ZDHHC14: variants seen among roughly 807,000 people sequenced by gnomAD.
ZDHHC14 encodes the protein palmitoyltransferase ZDHHC14.
A neutral mutation model predicts 47.7 loss-of-function variants in ZDHHC14; 16 were observed. The observed-to-expected ratio is 0.34, with a 90% confidence interval of 0.23 to 0.51. The LOEUF (loss-of-function observed/expected upper bound fraction) is 0.51, where lower values mean the gene tolerates loss of function less well. Among genes scored for constraint, ZDHHC14 ranks in the 20% least tolerant of loss-of-function variants. ZDHHC14 has a pLI of 0.97. For missense variants in ZDHHC14, 515 were observed against 662.5 expected (o/e 0.78, Z 2.44); for synonymous variants, 293 against 278.9 (o/e 1.05, Z -0.50).
intron 1 of ZDHHC14, among the ~76,000 whole-genome samples, chr6:157,452,683 C>T (rs150255778): frequency 0.048 from 6,648 of 138,596 alleles, 522 homozygotes; most frequent in African/African-American, 0.17. Context: ...ATCACTAATA[C>T]ATGGGGATTT....
At chr6:157,443,812 T>C (rs1408081194) in intron 1 of ZDHHC14, among the ~76,000 whole-genome samples, 3 of 152,236 alleles carry the variant, frequency 2.0e-5, no homozygotes, top group African/African-American at 7.2e-5. Context: ...CTTTGGGTAG[T>C]GCCTTACCTT....
At chr6:157,543,118 G>A (rs1781837544) in intron 2 of ZDHHC14, among the ~76,000 whole-genome samples, 1 of 152,142 alleles carries the variant, frequency 6.6e-6, no homozygotes. Context: ...AGCATGACCA[G>A]TTTCCATGAT....
intron 8 of ZDHHC14, among the ~76,000 whole-genome samples, chr6:157,655,641 T>A (rs1778052042): frequency 6.6e-6 from 1 of 152,224 alleles, no homozygotes; most frequent in African/African-American, 2.4e-5. Context: ...GTTCCCTCTG[T>A]GTGTTGAGGA....
chr6:157,431,278 A>G (rs1778334063), intron 1 of ZDHHC14, among the ~76,000 whole-genome samples: 1 of 152,224 alleles, frequency 6.6e-6, no homozygotes, highest in African/African-American at 2.4e-5. Flanking sequence ...TCTAATTGTC[A>G]GGGCCAGATT....
chr6:157,564,263 G>A (rs1239902172), intron 2 of ZDHHC14, among the ~76,000 whole-genome samples: 1 of 152,184 alleles, frequency 6.6e-6, no homozygotes, highest in African/African-American at 2.4e-5. Context: ...TCAGGCAGAA[G>A]ACAAAGATTC....
intron 8 of ZDHHC14, among the ~76,000 whole-genome samples, chr6:157,670,533 A>G (rs1562540312): frequency 6.6e-6 from 1 of 151,962 alleles, no homozygotes; most frequent in South Asian, 2.1e-4. Flanking sequence ...AGCTCAGGTG[A>G]TCCTGCCTGC....
At chr6:157,409,708 C>T (rs932287550) in intron 1 of ZDHHC14, among the ~76,000 whole-genome samples, 1 of 152,206 alleles carries the variant, frequency 6.6e-6, no homozygotes, top group African/African-American at 2.4e-5. Flanking sequence ...CCTCCTTCCT[C>T]TTCTTCACCT....
intron 1 of ZDHHC14, among the ~76,000 whole-genome samples, chr6:157,397,860 C>T (rs981479020): frequency 1.3e-5 from 2 of 152,276 alleles, no homozygotes; most frequent in South Asian, 4.1e-4. Context: ...GGCTGACCAC[C>T]GTGTCCATCA....
Position 157,458,849 on chromosome 6 carries a change from A to ATTTTTTTTTTTTT in ZDHHC14, c.245+76593_245+76605dup, listed in dbSNP as rs750975822. Among the ~76,000 whole-genome samples the ATTTTTTTTTTTTT allele has an allele frequency of 6.5e-3, 527 of 81,182 alleles. 73 individuals are homozygous for ATTTTTTTTTTTTT. The highest frequency in any genetic ancestry group is 0.022 in the African/African-American group (480 of 21,774). The allele number at this position is 81,182 out of a possible 152,430, so 53.3% of individuals were successfully genotyped here. ...TACAGGTACTAGCAAATGTGGGTGG[A>ATTTTTTTTTTTTT]TTTTTTTTTTTTTTTTTTTTTTGAG... On this transcript the variant is annotated intron_variant, in intron 1 of 8. Transcript: ENST00000359775.
intron 1 of ZDHHC14, among the ~76,000 whole-genome samples, chr6:157,383,727 G>C (rs1418228748): frequency 2.6e-5 from 4 of 152,130 alleles, no homozygotes; most frequent in African/African-American, 9.7e-5. Context: ...GCAGTTCCCG[G>C]GTCCCCCTTG....
At chr6:157,395,056 G>A (rs762149492) in intron 1 of ZDHHC14, among the ~76,000 whole-genome samples, 5 of 149,730 alleles carry the variant, frequency 3.3e-5, no homozygotes, top group Non-Finnish European at 7.4e-5. Flanking sequence ...CCTTCATCTC[G>A]TGTGCCCTGG....
chr6:157,434,218 T>A (rs181143083), intron 1 of ZDHHC14, among the ~76,000 whole-genome samples: 108 of 146,566 alleles, frequency 7.4e-4, no homozygotes, highest in African/African-American at 2.5e-3. Context: ...GCTTATAATT[T>A]TATATATATA....
At chr6:157,459,831 G>A (rs1779024227) in intron 1 of ZDHHC14, among the ~76,000 whole-genome samples, 1 of 152,028 alleles carries the variant, frequency 6.6e-6, no homozygotes, top group African/African-American at 2.4e-5. Context: ...TCCCAGCACT[G>A]TAGGATGCCA....
At chr6:157,429,813 G>A (rs1179022584) in intron 1 of ZDHHC14, among the ~76,000 whole-genome samples, 1 of 152,158 alleles carries the variant, frequency 6.6e-6, no homozygotes, top group Non-Finnish European at 1.5e-5. Flanking sequence ...GATCTGGAAA[G>A]GGAGTTGAGG....
rs111742564 is a variant in ZDHHC14 at position 157,607,981 on chromosome 6, G to A, written c.565+14835G>A. On this transcript the variant is annotated intron_variant, in intron 3 of 8. Transcript: ENST00000359775. ...TCACAAGTTAAATTCCTAACAATGC[G>A]ATGTGCCATTATATGATAAAAGTAA... Among the ~76,000 whole-genome samples the A allele has an allele frequency of 1.6e-4, 24 of 152,310 alleles. 1 individual carries two copies. Among genetic ancestry groups the A allele is most frequent in the African/African-American group, 2.9e-4 (12 of 41,564 alleles).
intron 1 of ZDHHC14, among the ~76,000 whole-genome samples, chr6:157,540,510 A>T (rs1368998321): frequency 6.6e-6 from 1 of 152,216 alleles, no homozygotes; most frequent in Non-Finnish European, 1.5e-5. Flanking sequence ...ATTCACAAGT[A>T]GCCATCCTTG....
At position 157,427,377 on chromosome 6, in the gene ZDHHC14, C is replaced by T. The variant is rs527636228; in HGVS notation, c.245+45111C>T. On this transcript the variant is annotated intron_variant, in intron 1 of 8. Coordinates refer to ENST00000359775, the MANE Select transcript of ZDHHC14 (RefSeq NM_024630.3). This position sits in a 1 kb window ranked among gnomAD's most constrained non-coding sequence, Gnocchi z 4.4. Reference sequence around the variant, plus strand: ...GGAAGGGAAAGTGTCTACAGAGATGCGCAGGATGCAGGGCCCCGAGGACTG... The same window carrying T: ...GGAAGGGAAAGTGTCTACAGAGATGTGCAGGATGCAGGGCCCCGAGGACTG... Among the ~76,000 whole-genome samples, 9 of 152,182 alleles carry T rather than the reference C, an allele frequency of 5.9e-5. No individual in the cohort carries two copies. In the East Asian group the frequency reaches 7.7e-4, roughly 13 times the overall value.
At chr6:157,437,387 G>A (rs1024600404) in intron 1 of ZDHHC14, among the ~76,000 whole-genome samples, 20 of 152,218 alleles carry the variant, frequency 1.3e-4, no homozygotes, top group African/African-American at 3.6e-4. Flanking sequence ...GATGAATGGC[G>A]GTGCTGAGCT....
intron 1 of ZDHHC14, among the ~76,000 whole-genome samples, chr6:157,525,840 G>A (rs1781135766): frequency 6.6e-6 from 1 of 152,100 alleles, no homozygotes; most frequent in South Asian, 2.1e-4. Context: ...TAAACCACAG[G>A]GCCAGCTACT....
Sources: gnomAD v4.1 joint callset for allele counts (sites outside exome capture counted in the v4.1 genomes callset) on GRCh38, gnomAD v4.1.1 for gene constraint, Gnocchi (gnomAD v3.1) non-coding constraint, MANE v1.5 for transcripts, NCBI Gene and HGNC (gene_info 2026-07-23, HGNC 2026-07-21) for gene names.